The following EYS variants were observed in gnomAD, a reference collection of about 807,000 sequenced individuals.
EYS encodes EGF-like photoreceptor maintenance factor, also known as protein eyes shut homolog.
Under a neutral mutation model 282.1 loss-of-function variants are expected in EYS, and 250 were observed. That is an observed-to-expected ratio of 0.89 (90% CI 0.80 to 0.98). EYS has a LOEUF of 0.98. Among genes scored for constraint, EYS ranks in the 50% least tolerant of loss-of-function variants. The pLI is 0.00. For missense variants in EYS, 4,016 were observed against 3,709.0 expected (o/e 1.08, Z -2.15); for synonymous variants, 1,355 against 1,282.9 (o/e 1.06, Z -1.20).
At chr6:65,360,404 CTT>C (rs1410592750) in intron 8 of EYS, among the ~76,000 whole-genome samples, 1 of 151,906 alleles carries the variant, frequency 6.6e-6, no homozygotes, top group African/African-American at 2.4e-5. Context: ...TCCTCTAGCT[CTT>C]CTAGGTAGCA....
At chr6:64,841,323 G>T (rs1765557038) in intron 19 of EYS, among the ~76,000 whole-genome samples, 1 of 151,870 alleles carries the variant, frequency 6.6e-6, no homozygotes. Context: ...TAAATGTTAA[G>T]GTAAATTTAA....
intron 15 of EYS, 108 bp downstream of exon 15, chr6:64,945,685 G>A (rs1342443264): frequency 1.9e-6 from 2 of 1,038,270 alleles, no homozygotes; most frequent in Non-Finnish European, 2.7e-6. Flanking sequence ...TTGCTGGATG[G>A]TTATTTTAAT....
intron 29 of EYS, among the ~76,000 whole-genome samples, chr6:64,320,357 T>C (rs1412438496): frequency 6.6e-6 from 1 of 152,068 alleles, no homozygotes; most frequent in African/African-American, 2.4e-5. Context: ...CTATGGGTTG[T>C]TGAATCTCTG....
At chr6:63,978,082 A>G (rs1766924230) in intron 35 of EYS, among the ~76,000 whole-genome samples, 2 of 152,008 alleles carry the variant, frequency 1.3e-5, no homozygotes, top group Admixed American at 1.3e-4. Context: ...AGTGGAGACC[A>G]ACAGAGTATG....
At chr6:64,293,921 A>G (rs1768807246) in intron 30 of EYS, among the ~76,000 whole-genome samples, 1 of 152,076 alleles carries the variant, frequency 6.6e-6, no homozygotes, top group Admixed American at 6.6e-5. Flanking sequence ...GTACCTGTCT[A>G]CTCTGCCTGA....
At chr6:65,276,511 C>A (rs773853791) in intron 12 of EYS, among the ~76,000 whole-genome samples, 4 of 152,074 alleles carry the variant, frequency 2.6e-5, no homozygotes, top group Non-Finnish European at 4.4e-5. Context: ...AGTTACTACA[C>A]TGCCTGTAGT....
rs187120013 is a variant in EYS at position 63,915,494 on chromosome 6, G to A, written c.7056-51136C>T. 6.8e-4 allele frequency among the ~76,000 whole-genome samples: 103 copies of A among 152,306 alleles called. No individual in the cohort carries two copies. In the East Asian group the frequency reaches 7.3e-3, roughly 11 times the overall value. On this transcript the variant is annotated intron_variant, in intron 35 of 42. Transcript: ENST00000503581. ...TGCCTGCTGATAAACCATATATTCT[G>A]TAGCCCATGAATTAAGGAGTATTTT... is the stretch of plus-strand genomic sequence containing the variant.
chr6:63,849,525 T>G (rs1317915521), intron 36 of EYS, among the ~76,000 whole-genome samples: 2 of 152,128 alleles, frequency 1.3e-5, no homozygotes, highest in African/African-American at 2.4e-5. Flanking sequence ...GTGATACCCA[T>G]GCAAACAGTG....
intron 10 of EYS, among the ~76,000 whole-genome samples, chr6:65,335,930 G>A (rs1266263544): frequency 1.3e-5 from 2 of 151,684 alleles, no homozygotes; most frequent in East Asian, 2.0e-4. Context: ...CATGGGGGCA[G>A]TTTCCCCCTT....
At chr6:63,747,412 T>A (rs1425638620) in intron 41 of EYS, among the ~76,000 whole-genome samples, 1 of 152,208 alleles carries the variant, frequency 6.6e-6, no homozygotes, top group East Asian at 1.9e-4. Context: ...CTGAGAAGAA[T>A]GTATATTCTG....
In EYS at chr6:65,044,452, C is replaced by A. The variant is rs554627707; in HGVS notation, c.2137+13162G>T. Among the ~76,000 whole-genome samples the A allele has an allele frequency of 3.3e-5, 5 of 151,774 alleles. No homozygotes were observed. In the South Asian group the frequency reaches 1.0e-3, roughly 31 times the overall value. ...TGGAGTCATATACAAAATATCCTTG[C>A]CCAATCCAATTTTGTGGAGATTTTC... On this transcript the variant is annotated intron_variant, in intron 13 of 42. Coordinates refer to ENST00000503581, the MANE Select transcript of EYS (RefSeq NM_001142800.2).
intron 19 of EYS, among the ~76,000 whole-genome samples, chr6:64,839,160 A>G (rs1765484614): frequency 6.6e-6 from 1 of 152,066 alleles, no homozygotes; most frequent in Non-Finnish European, 1.5e-5. Flanking sequence ...ATTGATCCAA[A>G]GCAATCATAC....
intron 19 of EYS, among the ~76,000 whole-genome samples, chr6:64,845,734 T>G (rs1277177427): frequency 2.6e-5 from 4 of 152,130 alleles, no homozygotes; most frequent in African/African-American, 9.7e-5. Flanking sequence ...TTATTACTTT[T>G]AAGTTTAAAA....
intron 33 of EYS, among the ~76,000 whole-genome samples, chr6:64,013,207 C>A (rs1395586907): frequency 6.6e-6 from 1 of 152,156 alleles, no homozygotes; most frequent in African/African-American, 2.4e-5. Context: ...GAACATACAA[C>A]CAGCCATCAC....
At chr6:64,690,759 C>G (rs540364163) in intron 22 of EYS, among the ~76,000 whole-genome samples, 2 of 152,020 alleles carry the variant, frequency 1.3e-5, no homozygotes, top group African/African-American at 4.8e-5. Context: ...TGTTCACACT[C>G]ATAGGCGGGA....
intron 35 of EYS, among the ~76,000 whole-genome samples, chr6:63,933,869 G>A (rs955295398): frequency 6.6e-6 from 1 of 152,104 alleles, no homozygotes; most frequent in Non-Finnish European, 1.5e-5. Context: ...CCAGGTAAAG[G>A]AGTAGACAGT....
At chr6:64,274,521 A>T in intron 30 of EYS, among the ~76,000 whole-genome samples, 1 of 126,164 alleles carries the variant, frequency 7.9e-6, no homozygotes, top group African/African-American at 3.2e-5. Context: ...AGCTACATTG[A>T]TCTTAGTGAC....
In EYS at chr6:65,254,342, G is replaced by A. The variant is rs11967607; in HGVS notation, c.2023+41521C>T. Among the ~76,000 whole-genome samples, 1,202 of 151,910 alleles carry A rather than the reference G, an allele frequency of 7.9e-3. 12 individuals carry two copies. Among genetic ancestry groups the A allele is most frequent in the African/African-American group, 0.024 (987 of 41,510 alleles). On this transcript the variant is annotated intron_variant, in intron 12 of 42. Transcript: ENST00000503581. ...CATCTACTAAGACCACTAATATTCC[G>A]ACTCTATTTCATTTTGAATAAAGTG...
At chr6:64,102,614 A>G (rs893244372) in intron 31 of EYS, among the ~76,000 whole-genome samples, 6 of 152,188 alleles carry the variant, frequency 3.9e-5, no homozygotes, top group Non-Finnish European at 8.8e-5. Flanking sequence ...TACATCAAGT[A>G]TTTGTATCAA....
Sources: gnomAD v4.1 joint callset for allele counts (sites outside exome capture counted in the v4.1 genomes callset) on GRCh38, gnomAD v4.1.1 for gene constraint, MANE v1.5 for transcripts, NCBI Gene and HGNC (gene_info 2026-07-23, HGNC 2026-07-21) for gene names.